The following KLHL3 variants were observed in gnomAD, a reference collection of about 807,000 sequenced individuals.
KLHL3 encodes the protein kelch-like protein 3.
A neutral mutation model predicts 70.5 loss-of-function variants in KLHL3; 19 were observed. The observed-to-expected ratio is 0.27, with a 90% confidence interval of 0.19 to 0.40. KLHL3 has a LOEUF of 0.40. Among genes scored for constraint, KLHL3 ranks in the 10% least tolerant of loss-of-function variants. KLHL3 has a pLI of 1.00. For missense variants in KLHL3, 512 were observed against 771.1 expected, an observed-to-expected ratio of 0.66 and a Z score of 3.98; for synonymous variants, 258 against 290.3, an observed-to-expected ratio of 0.89 and a Z score of 1.13.
rs1491111127 is a variant in KLHL3, at chr5:137,639,710, C to CG, written c.1021+149_1021+150insC. ...CTCTGTCTTAAAACAACGACAACAACCAAAAAAAAAAAAAAAGTGTGCAGG... is the reference window on the plus strand; with the variant it reads ...CTCTGTCTTAAAACAACGACAACAACGCAAAAAAAAAAAAAAAGTGTGCAGG... On this transcript the variant is annotated intron_variant, in intron 9 of 14. Coordinates refer to ENST00000309755, the MANE Select transcript of KLHL3 (RefSeq NM_017415.3). The surrounding 1 kb of genome is among the most constrained non-coding windows in gnomAD (Gnocchi z 5.0). 1 of 451,496 alleles carries CG rather than the reference C, an allele frequency of 2.2e-6. No individual in the cohort carries two copies. The highest frequency in any genetic ancestry group is 5.3e-5 in the Admixed American group (1 of 18,916). The allele number at this position is 451,496 out of a possible 1,614,324, so 28.0% of individuals were successfully genotyped here. A position where few individuals can be genotyped will look rare whatever the true frequency, so the allele number is the denominator to read the frequency against.
At chr5:137,732,662 AT>A (rs1326145980) in intron 1 of KLHL3, among the ~76,000 whole-genome samples, 1 of 152,126 alleles carries the variant, frequency 6.6e-6, no homozygotes, top group Non-Finnish European at 1.5e-5. Flanking sequence ...GTCCTAAAAT[AT>A]GCCTTGGTTA....
chr5:137,690,188 G>C (rs576196620), intron 5 of KLHL3, among the ~76,000 whole-genome samples: 3 of 152,214 alleles, frequency 2.0e-5, no homozygotes, highest in African/African-American at 7.2e-5. Flanking sequence ...TTAGCCTGGC[G>C]TGGTGGCAGG....
At chr5:137,701,450 C>T (rs1174529610) in intron 3 of KLHL3, among the ~76,000 whole-genome samples, 1 of 152,062 alleles carries the variant, frequency 6.6e-6, no homozygotes, top group Non-Finnish European at 1.5e-5. Flanking sequence ...CTAATACATC[C>T]CTCAATAAAA....
chr5:137,639,118 C>A lies in KLHL3; in HGVS notation c.1054G>T (p.Val352Leu). 1 of 1,613,968 alleles carries A rather than the reference C, an allele frequency of 6.2e-7. No homozygotes were observed. The change falls in exon 10 of 15, where the codon GTG (valine) becomes TTG (leucine). Residue 352 changes from valine (V) to leucine (L), a missense_variant. Coordinates refer to ENST00000309755, the MANE Select transcript of KLHL3 (RefSeq NM_017415.3). This position sits in a 1 kb window ranked among gnomAD's most constrained non-coding sequence, Gnocchi z 5.0. The part of the protein sequence containing the change: ...VVFMAGHVYA[V>L]GGFNGSLRVR... ...CGCAGTGAGCCATTAAACCCTCCCA[C>A]GGCATACACGTGGCCAGCCATGAAC...
intron 7 of KLHL3, among the ~76,000 whole-genome samples, chr5:137,659,518 T>C (rs1751422149): frequency 6.6e-6 from 1 of 152,052 alleles, no homozygotes; most frequent in Admixed American, 6.6e-5. Flanking sequence ...GGTTTTTTTT[T>C]CCCCTCCCAG....
intron 5 of KLHL3, among the ~76,000 whole-genome samples, chr5:137,678,639 TCAAA>T (rs1162166910): frequency 1.3e-5 from 2 of 152,302 alleles, no homozygotes; most frequent in East Asian, 1.9e-4. Flanking sequence ...TTCATAAAAA[TCAAA>T]CAAAGAATTT....
intron 4 of KLHL3, among the ~76,000 whole-genome samples, chr5:137,695,515 G>A (rs1274235299): frequency 6.6e-6 from 1 of 152,176 alleles, no homozygotes. Flanking sequence ...TGAAGGGAAG[G>A]CTTGGAGGCT....
rs554939216 is a variant in KLHL3, at chr5:137,725,452, G to A, written c.15-4868C>T. Among the ~76,000 whole-genome samples, 9 of 152,254 alleles carry A rather than the reference G, an allele frequency of 5.9e-5. No homozygotes were observed. The South Asian group carries it at 1.9e-3, about 32-fold the overall frequency. The stretch of plus-strand genomic sequence containing the variant: ...CTATAGTCAGTGTTAATTCATATGT[G>A]CCCCTCCCACCAGACCTGCAGCTCA... On this transcript the variant is annotated intron_variant, in intron 1 of 14. Transcript: ENST00000309755.
chr5:137,716,628 C>T (rs187828401), intron 2 of KLHL3, among the ~76,000 whole-genome samples: 19 of 152,302 alleles, frequency 1.2e-4, no homozygotes, highest in Admixed American at 1.2e-3. Flanking sequence ...GAGGTTCTTG[C>T]TCTCCAAGTT....
At chr5:137,647,709 G>T in intron 8 of KLHL3, 1 of 411,390 alleles carries the variant, frequency 2.4e-6, no homozygotes, top group Non-Finnish European at 5.2e-6. Flanking sequence ...GTCCAAGCAG[G>T]TTCCTGAGCA....
chr5:137,625,794 G>A lies in KLHL3; in HGVS notation c.1694C>T (p.Thr565Met), dbSNP rs375871642. ...CGTGCTCATGTTCGTTGGAAGCAGC[G>A]TCCATTTGTCAGTGACAGGATTGTA... ...EYYNPVTDKW[T>M]LLPTNMSTGR... Residue 565 changes from threonine (T) to methionine (M), a missense_variant, in exon 14 of 15, where the codon ACG (threonine) becomes ATG (methionine). Transcript: ENST00000309755. The A allele has an allele frequency of 6.3e-5, 102 of 1,613,988 alleles. No homozygotes were observed. In the Middle Eastern group the frequency reaches 6.6e-4, roughly 10 times the overall value.
chr5:137,637,366 T>C lies in KLHL3; in HGVS notation c.1249A>G (p.Lys417Glu). ...GCCACAAAGAACCACTCGTTGGTCT[T>C]GTAGCTGTAGGCTTCCACCGATGCT... Reference protein sequence around the residue: ...GLASVEAYSYKTNEWFFVAPM... With the variant: ...GLASVEAYSYETNEWFFVAPM... The change falls in exon 11 of 15, where the codon AAG becomes GAG. Residue 417 changes from lysine to glutamate, a missense_variant. Physicochemically the swap from Lys to Glu is moderately conservative, Grantham distance 56. Coordinates refer to ENST00000309755, the MANE Select transcript of KLHL3 (RefSeq NM_017415.3). 6.2e-7 allele frequency: 1 copy of C among 1,613,926 alleles called. No homozygotes were observed. Among genetic ancestry groups the C allele is most frequent in the Non-Finnish European group, 8.5e-7 (1 of 1,179,818 alleles).
At chr5:137,670,021 T>A (rs1331219444) in intron 6 of KLHL3, among the ~76,000 whole-genome samples, 1 of 152,114 alleles carries the variant, frequency 6.6e-6, no homozygotes, top group African/African-American at 2.4e-5. Context: ...ACTCTGCCCA[T>A]GTGCTATGAG....
chr5:137,658,711 A>G (rs1229609990), intron 7 of KLHL3, among the ~76,000 whole-genome samples: 2 of 152,194 alleles, frequency 1.3e-5, no homozygotes, highest in African/African-American at 4.8e-5. Flanking sequence ...GTGAGGGGAA[A>G]GAGGAAAGGG....
intron 4 of KLHL3, among the ~76,000 whole-genome samples, chr5:137,692,849 C>CACAA (rs1752356424): frequency 6.6e-6 from 1 of 151,660 alleles, no homozygotes; most frequent in Admixed American, 6.6e-5. Flanking sequence ...CACACACACA[C>CACAA]ACACAATGGT....
intron 14 of KLHL3, among the ~76,000 whole-genome samples, chr5:137,624,486 T>TG (rs1750405413): frequency 6.6e-6 from 1 of 152,050 alleles, no homozygotes; most frequent in South Asian, 2.1e-4. Flanking sequence ...TATTACAAGG[T>TG]GAAAAAAACT....
chr5:137,658,225 A>G lies in KLHL3; in HGVS notation c.809T>C (p.Ile270Thr). Residue 270 changes from isoleucine (I) to threonine (T), a missense_variant, in exon 8 of 15, where the codon ATT becomes ACT. Transcript: ENST00000309755. ...KNNNTCKDFLIEAMKYHLLPL... is the reference protein window; with the variant it reads ...KNNNTCKDFLTEAMKYHLLPL... Reference sequence around the variant, plus strand: ...GAGGAGATGGTATTTCATGGCCTCAATGAGGAAGTCTTTACAGGTGTTGTT... The same window carrying G: ...GAGGAGATGGTATTTCATGGCCTCAGTGAGGAAGTCTTTACAGGTGTTGTT... The G allele has an allele frequency of 1.9e-6, 3 of 1,613,636 alleles. No homozygotes were observed. Among genetic ancestry groups the G allele is most frequent in the African/African-American group, 1.3e-5 (1 of 75,040 alleles).
intron 11 of KLHL3, among the ~76,000 whole-genome samples, chr5:137,635,910 T>C (rs757966173): frequency 6.6e-6 from 1 of 152,142 alleles, no homozygotes; most frequent in Non-Finnish European, 1.5e-5. Context: ...CCATCAACCA[T>C]TCCATCTGCA....
intron 1 of KLHL3, among the ~76,000 whole-genome samples, chr5:137,727,533 C>A (rs1052463830): frequency 6.6e-6 from 1 of 152,168 alleles, no homozygotes; most frequent in Admixed American, 6.5e-5. Context: ...CTTCTTATTA[C>A]CGTAATACTA....
Sources: gnomAD v4.1 joint callset for allele counts (sites outside exome capture counted in the v4.1 genomes callset) on GRCh38, gnomAD v4.1.1 for gene constraint, Gnocchi (gnomAD v3.1) non-coding constraint, MANE v1.5 for transcripts, NCBI Gene and HGNC (gene_info 2026-07-23, HGNC 2026-07-21) for gene names.